THAP4: variants seen among roughly 807,000 people sequenced by gnomAD.
THAP4 encodes peroxynitrite isomerase THAP4.
A neutral mutation model predicts 48.1 loss-of-function variants in THAP4; 18 were observed. The ratio of observed to expected loss-of-function variants is 0.37; its 90% CI spans 0.26 to 0.56. The LOEUF is 0.56. Among genes scored for constraint, THAP4 ranks in the 20% least tolerant of loss-of-function variants. THAP4 has a pLI of 0.78. For missense variants in THAP4, 656 were observed against 774.9 expected (o/e 0.85, Z 1.82); for synonymous variants, 345 against 324.9 (o/e 1.06, Z -0.66).
upstream of THAP4, chr2:241,637,276 C>G: frequency 1.8e-6 from 2 of 1,103,960 alleles, no homozygotes; most frequent in Non-Finnish European, 2.2e-6. Context: ...TCGCAGCGTC[C>G]GTCGGCAGGC....
chr2:241,585,925 AAAAAG>A (rs1397557640), intron 5 of THAP4, among the ~76,000 whole-genome samples: 15 of 144,176 alleles, frequency 1.0e-4, no homozygotes, highest in South Asian at 6.9e-4. Context: ...AAAAAAAAAA[AAAAAG>A]AAAAAAAAAA....
rs1487248517 is a variant in THAP4, at chr2:241,599,239, G to A, written c.1614+2657C>T. On this transcript the variant is annotated intron_variant, in intron 5 of 5. Coordinates refer to ENST00000407315, the MANE Select transcript of THAP4 (RefSeq NM_015963.6). ...TGCATTCCAGCCTGGGCAACAGATT[G>A]AGACTCTGTCTCAAAAAAAAAAAAA... 7.0e-5 allele frequency among the ~76,000 whole-genome samples: 10 copies of A among 143,608 alleles called. No individual in the cohort carries two copies. In the South Asian group the frequency reaches 1.2e-3, roughly 17 times the overall value. 94.2% of individuals were successfully genotyped at this position (143,608 alleles called of 152,430 possible). A position where few individuals can be genotyped will look rare whatever the true frequency, so the allele number is the denominator to read the frequency against.
intron 2 of THAP4, among the ~76,000 whole-genome samples, chr2:241,628,300 C>T (rs1399561305): frequency 6.6e-6 from 1 of 151,924 alleles, no homozygotes; most frequent in East Asian, 1.9e-4. Context: ...ACTCGACCCC[C>T]CAAGGCTTCA....
At chr2:241,585,106 G>A (rs185977296) in intron 5 of THAP4, 27 of 171,868 alleles carry the variant, frequency 1.6e-4, no homozygotes, top group African/African-American at 4.5e-4. Flanking sequence ...TCAGACAAGC[G>A]CTGAGCTTCC....
At chr2:241,609,890 T>C (rs1173077653) in intron 2 of THAP4, among the ~76,000 whole-genome samples, 2 of 152,162 alleles carry the variant, frequency 1.3e-5, no homozygotes, top group African/African-American at 2.4e-5. Context: ...GCTCTGGCTC[T>C]CCTGGGACCG....
chr2:241,630,254 G>T (rs1330951635), intron 2 of THAP4, among the ~76,000 whole-genome samples: 1 of 152,154 alleles, frequency 6.6e-6, no homozygotes, highest in East Asian at 1.9e-4. Flanking sequence ...GAGAGAGGCA[G>T]ATCCATGGCA....
intron 2 of THAP4, among the ~76,000 whole-genome samples, chr2:241,624,632 A>G (rs2067474101): frequency 6.6e-6 from 1 of 152,226 alleles, no homozygotes; most frequent in Non-Finnish European, 1.5e-5. Context: ...CCAACCTGGA[A>G]GCTCTCCAAA....
At chr2:241,634,501 T>C (rs896148748) in intron 1 of THAP4, among the ~76,000 whole-genome samples, 1 of 152,154 alleles carries the variant, frequency 6.6e-6, no homozygotes, top group Non-Finnish European at 1.5e-5. Context: ...AGGGCCAGCA[T>C]CCACAGACAC....
intron 2 of THAP4, among the ~76,000 whole-genome samples, chr2:241,624,859 G>A (rs1428667821): frequency 6.6e-6 from 1 of 152,130 alleles, no homozygotes; most frequent in East Asian, 1.9e-4. Flanking sequence ...TCTGTATGAC[G>A]AACAGAGCAA....
chr2:241,614,471 G>GA (rs955944083), intron 2 of THAP4, among the ~76,000 whole-genome samples: 1 of 152,178 alleles, frequency 6.6e-6, no homozygotes, highest in Non-Finnish European at 1.5e-5. Context: ...TCGAGAGAAA[G>GA]AAACTAAATG....
At position 241,633,784 on chromosome 2, in the gene THAP4, C is replaced by T. The variant is rs377643671; in HGVS notation, c.373G>A (p.Ala125Thr). 8.7e-6 allele frequency: 14 copies of T among 1,613,562 alleles called. No individual in the cohort carries two copies. Among genetic ancestry groups the T allele is most frequent in the South Asian group, 7.7e-5 (7 of 91,090 alleles). The change falls in exon 2 of 6, where the codon GCA becomes ACA. Residue 125 changes from alanine (A) to threonine (T), a missense_variant. Coordinates refer to ENST00000407315, the MANE Select transcript of THAP4 (RefSeq NM_015963.6). The surrounding 1 kb of genome is among the most constrained non-coding windows in gnomAD (Gnocchi z 7.5). ...CCACTCGAGGACGGTGACCAACCTGCAGCTCCTCTGCTGGTGGCGGCACTC... is the reference window on the plus strand; with the variant it reads ...CCACTCGAGGACGGTGACCAACCTGTAGCTCCTCTGCTGGTGGCGGCACTC... ...HSSAATSRGAAGWSPSSSGNP... is the reference protein window; with the variant it reads ...HSSAATSRGATGWSPSSSGNP...
rs202040203 is a variant in THAP4, at chr2:241,633,802, C to T, written c.355G>A (p.Ala119Thr). Residue 119 changes from alanine to threonine, a missense_variant, in exon 2 of 6, where the codon GCC becomes ACC. Transcript: ENST00000407315. The surrounding 1 kb of genome is among the most constrained non-coding windows in gnomAD (Gnocchi z 7.5). ...TGGVRGHSSA[A>T]TSRGAAGWSP... Reference sequence around the variant, plus strand: ...CAACCTGCAGCTCCTCTGCTGGTGGCGGCACTCGAGTGTCCCCTCACACCC... The same window carrying T: ...CAACCTGCAGCTCCTCTGCTGGTGGTGGCACTCGAGTGTCCCCTCACACCC... The T allele has an allele frequency of 9.2e-4, 1,477 of 1,613,638 alleles. 18 individuals carry two copies. The highest frequency in any genetic ancestry group is 6.8e-4 in the South Asian group (62 of 91,076).
intron 5 of THAP4, chr2:241,594,727 C>CA: frequency 5.9e-6 from 1 of 170,304 alleles, no homozygotes; most frequent in East Asian, 1.7e-4. Context: ...TACTGTATTC[C>CA]AGCCTAGGTG....
chr2:241,586,351 G>T (rs1470971238), intron 5 of THAP4, among the ~76,000 whole-genome samples: 2 of 151,292 alleles, frequency 1.3e-5, no homozygotes, highest in Non-Finnish European at 2.9e-5. Context: ...CCAGAAACAG[G>T]CTGGGAAGTC....
chr2:241,617,654 G>A (rs1432919754), intron 2 of THAP4, among the ~76,000 whole-genome samples: 1 of 152,212 alleles, frequency 6.6e-6, no homozygotes, highest in Non-Finnish European at 1.5e-5. Context: ...TGGAGGTTAG[G>A]TGAATTTTAT....
chr2:241,591,891 A>G (rs956875757), intron 5 of THAP4: 44 of 152,370 alleles, frequency 2.9e-4, no homozygotes, highest in African/African-American at 9.6e-4. Flanking sequence ...TAAAATCCAG[A>G]ACCTCTGTTC....
At chr2:241,623,960 G>A (rs1339620048) in intron 2 of THAP4, among the ~76,000 whole-genome samples, 4 of 152,086 alleles carry the variant, frequency 2.6e-5, no homozygotes, top group South Asian at 2.1e-4. Flanking sequence ...GTTCTGACAC[G>A]AACTGGAGTT....
chr2:241,590,274 C>G (rs71430348), intron 5 of THAP4, among the ~76,000 whole-genome samples: 1 of 150,520 alleles, frequency 6.6e-6, no homozygotes, highest in Non-Finnish European at 1.5e-5. Context: ...ATAATGGGCA[C>G]TAGGACACTC....
intron 2 of THAP4, among the ~76,000 whole-genome samples, chr2:241,631,954 G>C (rs914126711): frequency 1.0e-4 from 15 of 146,362 alleles, no homozygotes; most frequent in African/African-American, 3.5e-4. Context: ...GGCTGACAAA[G>C]AGTAGTGCAG....
Sources: gnomAD v4.1 joint callset for allele counts (sites outside exome capture counted in the v4.1 genomes callset) on GRCh38, gnomAD v4.1.1 for gene constraint, Gnocchi (gnomAD v3.1) non-coding constraint, MANE v1.5 for transcripts, NCBI Gene and HGNC (gene_info 2026-07-23, HGNC 2026-07-21) for gene names.